Variants in IL26 observed in about 807,000 individuals in gnomAD.
The protein encoded by IL26 is interleukin 26.
IL26 carries 23 observed loss-of-function variants against 21.7 expected under a neutral mutation model. That is an observed-to-expected ratio of 1.06 (90% CI 0.76 to 1.50). IL26 has a LOEUF of 1.50. IL26 is among the 40% of genes most tolerant of loss of function. The pLI is 0.00. For synonymous variants in IL26, 63 were observed against 67.8 expected, an observed-to-expected ratio of 0.93 and a Z score of 0.34; for missense variants, 204 against 196.0, an observed-to-expected ratio of 1.04 and a Z score of -0.24.
chr12:68,208,207 C>G (rs1868597172), intron 3 of IL26, among the ~76,000 whole-genome samples: 1 of 152,124 alleles, frequency 6.6e-6, no homozygotes, highest in Admixed American at 6.5e-5. Flanking sequence ...GAGAGGTAAC[C>G]TCTGAAGTCT....
chr12:68,221,296 G>A (rs1869037584), intron 3 of IL26, among the ~76,000 whole-genome samples: 1 of 152,022 alleles, frequency 6.6e-6, no homozygotes, highest in Non-Finnish European at 1.5e-5. Flanking sequence ...GAGGAATGGG[G>A]TGGGAGGAAA....
chr12:68,201,610 C>A lies in IL26; in HGVS notation c.*235G>T. The A allele has an allele frequency of 2.7e-6, 1 of 370,096 alleles. No individual in the cohort carries two copies. Among genetic ancestry groups the A allele is most frequent in the Non-Finnish European group, 4.8e-6 (1 of 207,182 alleles). The allele number at this position is 370,096 out of a possible 1,614,324, so 22.9% of individuals were successfully genotyped here. ...GTTGACACAATGTACTTGTGAATGACAAAACATGTTCAGAATGGAAACATT... is the reference window on the plus strand; with the variant it reads ...GTTGACACAATGTACTTGTGAATGAAAAAACATGTTCAGAATGGAAACATT... On this transcript the variant is annotated 3_prime_UTR_variant, in exon 5 of 5. Transcript: ENST00000229134.
intron 1 of IL26, 40 bp downstream of exon 1, chr12:68,225,546 G>A (rs374784342): frequency 6.8e-6 from 11 of 1,607,884 alleles, no homozygotes; most frequent in Admixed American, 1.7e-5. Context: ...GATTGTAAAT[G>A]TCCTTGAGGT....
chr12:68,208,345 G>A (rs558539657), intron 3 of IL26, among the ~76,000 whole-genome samples: 1 of 152,188 alleles, frequency 6.6e-6, no homozygotes, highest in South Asian at 2.1e-4. Flanking sequence ...CACCCTTCAG[G>A]TCTCAGCTGA....
chr12:68,201,997 A>G, intron 4 of IL26, 21 bp downstream of exon 4: 1 of 1,547,752 alleles, frequency 6.5e-7, no homozygotes. Flanking sequence ...GTTTTTTAAT[A>G]TAAGGATTTA....
chr12:68,217,887 A>C (rs1311369835), intron 3 of IL26, among the ~76,000 whole-genome samples: 1 of 152,184 alleles, frequency 6.6e-6, no homozygotes, highest in Non-Finnish European at 1.5e-5. Flanking sequence ...AAATGGCCGA[A>C]TGTCCTGAAC....
At chr12:68,202,584 A>C (rs1868418703) in intron 3 of IL26, among the ~76,000 whole-genome samples, 1 of 152,208 alleles carries the variant, frequency 6.6e-6, no homozygotes, top group Admixed American at 6.5e-5. Context: ...GAGAGTGAGC[A>C]GAGGGGGAAG....
intron 3 of IL26, among the ~76,000 whole-genome samples, chr12:68,216,852 T>TA (rs1267347562): frequency 1.3e-5 from 2 of 152,222 alleles, no homozygotes; most frequent in African/African-American, 4.8e-5. Flanking sequence ...CTCAAAATGT[T>TA]AATTAAAGTA....
chr12:68,216,809 G>A (rs1317543965), intron 3 of IL26, among the ~76,000 whole-genome samples: 1 of 152,192 alleles, frequency 6.6e-6, no homozygotes, highest in East Asian at 1.9e-4. Context: ...ATGAAGAAAT[G>A]TGTCTCTCTA....
At chr12:68,221,743 T>A (rs1219951514) in intron 3 of IL26, among the ~76,000 whole-genome samples, 1 of 152,242 alleles carries the variant, frequency 6.6e-6, no homozygotes, top group Non-Finnish European at 1.5e-5. Flanking sequence ...TCTTTAAGTT[T>A]TTCTTTCTGG....
At chr12:68,223,884 G>GTTTTTTTTTTTTTTTTTTTTTGTTT (rs376115904) in intron 3 of IL26, among the ~76,000 whole-genome samples, 10 of 132,272 alleles carry the variant, frequency 7.6e-5, no homozygotes, top group Non-Finnish European at 1.6e-4. Context: ...AAATTTGGTG[G>GTTTTTTTTTTTTTTTTTTTTTGTTT]TTTTTTTTTT....
At chr12:68,223,002 A>C (rs1010564205) in intron 3 of IL26, among the ~76,000 whole-genome samples, 6 of 148,700 alleles carry the variant, frequency 4.0e-5, no homozygotes, top group Middle Eastern at 3.4e-3. Flanking sequence ...TGCTCAGTTA[A>C]TTTGTATTAA....
At chr12:68,214,625 C>A (rs908246930) in intron 3 of IL26, among the ~76,000 whole-genome samples, 2 of 152,078 alleles carry the variant, frequency 1.3e-5, no homozygotes, top group Non-Finnish European at 2.9e-5. Context: ...GGCTTGTAGT[C>A]TATCTGATAA....
chr12:68,215,141 TA>T, intron 3 of IL26, among the ~76,000 whole-genome samples: 1 of 152,314 alleles, frequency 6.6e-6, no homozygotes, highest in South Asian at 2.1e-4. Flanking sequence ...GAAAAACTTT[TA>T]AAAACTATAC....
rs1869182392 is a variant in IL26, at chr12:68,224,699, G to A, written c.363+450C>T. Among the ~76,000 whole-genome samples, 3 of 143,300 alleles carry A rather than the reference G, an allele frequency of 2.1e-5. No homozygotes were observed. The South Asian group carries it at 7.3e-4, about 35-fold the overall frequency. The allele number at this position is 143,300 out of a possible 152,430, so 94.0% of individuals were successfully genotyped here. A position where few individuals can be genotyped will look rare whatever the true frequency, so the allele number is the denominator to read the frequency against. ...GAAGGAGGGTGGAGGAAGAGAAAGG[G>A]GAGAGGGAGGGAGGGAGAGGGAAGG... On this transcript the variant is annotated intron_variant, in intron 3 of 4. Coordinates refer to ENST00000229134, the MANE Select transcript of IL26 (RefSeq NM_018402.2).
At chr12:68,224,006 AG>A (rs1199687179) in intron 3 of IL26, among the ~76,000 whole-genome samples, 1 of 148,582 alleles carries the variant, frequency 6.7e-6, no homozygotes, top group African/African-American at 2.5e-5. Flanking sequence ...GTTGACCACA[AG>A]AAAAAAACAT....
intron 3 of IL26, among the ~76,000 whole-genome samples, chr12:68,212,813 A>G (rs1043690701): frequency 6.6e-6 from 1 of 152,096 alleles, no homozygotes; most frequent in African/African-American, 2.4e-5. Context: ...GATATTTTGA[A>G]TATAAGACCA....
intron 3 of IL26, among the ~76,000 whole-genome samples, chr12:68,220,033 G>GA: frequency 6.6e-6 from 1 of 151,904 alleles, no homozygotes; most frequent in Non-Finnish European, 1.5e-5. Context: ...TAGATAATCT[G>GA]AAAAAATAAC....
rs371655936 is a variant in IL26 at position 68,213,477 on chromosome 12, GA to G, written c.364-11395del. The stretch of plus-strand genomic sequence containing the variant: ...TTAATTCTTTTTAAAATGTTTGGTA[GA>G]ACTCAGCACTGAATCCATTATGTCC... On this transcript the variant is annotated intron_variant, in intron 3 of 4. Coordinates refer to ENST00000229134, the MANE Select transcript of IL26 (RefSeq NM_018402.2). 4.0e-4 allele frequency among the ~76,000 whole-genome samples: 61 copies of G among 152,102 alleles called. 1 individual carries two copies. In the South Asian group the frequency reaches 0.013, roughly 32 times the overall value.
Sources: gnomAD v4.1 joint callset for allele counts (sites outside exome capture counted in the v4.1 genomes callset) on GRCh38, gnomAD v4.1.1 for gene constraint, MANE v1.5 for transcripts, NCBI Gene and HGNC (gene_info 2026-07-23, HGNC 2026-07-21) for gene names.